TTLL7: variants seen among roughly 807,000 people sequenced by gnomAD.
The protein encoded by TTLL7 is tubulin tyrosine ligase like 7, also known as tubulin polyglutamylase TTLL7.
TTLL7 carries 53 observed loss-of-function variants against 120.2 expected under a neutral mutation model. The observed-to-expected ratio is 0.44, with a 90% CI of 0.35 to 0.55. The LOEUF is 0.55. Among genes scored for constraint, TTLL7 ranks in the 20% least tolerant of loss-of-function variants. The pLI, the probability that TTLL7 is intolerant of heterozygous loss-of-function variation, is 0.00. For missense variants in TTLL7, 803 were observed against 1,054.7 expected, an observed-to-expected ratio of 0.76 and a Z score of 3.31; for synonymous variants, 353 against 351.7, an observed-to-expected ratio of 1.00 and a Z score of -0.04.
chr1:83,889,807 A>G (rs903561584), intron 19 of TTLL7: 1 of 416,412 alleles, frequency 2.4e-6, no homozygotes, highest in Non-Finnish European at 4.8e-6. Context: ...CAAATGACTG[A>G]ATAAAGACAG....
chr1:83,993,537 C>G (rs911464420), intron 1 of TTLL7, among the ~76,000 whole-genome samples: 1 of 152,020 alleles, frequency 6.6e-6, no homozygotes, highest in Non-Finnish European at 1.5e-5. Flanking sequence ...AAAATAACAC[C>G]AAGTTAGAAA....
Position 83,951,912 on chromosome 1 carries a change from C to T in TTLL7, c.90G>A (p.Arg30=). 1 of 1,613,390 alleles carries T rather than the reference C, an allele frequency of 6.2e-7. No individual in the cohort carries two copies. The highest frequency in any genetic ancestry group is 1.1e-5 in the South Asian group (1 of 90,918). Residue 30 remains arginine (R), a synonymous_variant, in exon 3 of 21, where the codon AGG becomes AGA. Coordinates refer to ENST00000260505, the MANE Select transcript of TTLL7 (RefSeq NM_024686.6). The part of the protein sequence containing the change: ...TELPYQSTMK[R]KVRKKKKKGT... ...CCTTCTTTTTCTTCTTTCTGACTTT[C>T]CTTTTCATTGTGCTTTGATAAGGTA...
At chr1:83,872,804 ATCAACTCAT>A (rs1653557979) in intron 20 of TTLL7, among the ~76,000 whole-genome samples, 1 of 152,222 alleles carries the variant, frequency 6.6e-6, no homozygotes, top group Admixed American at 6.5e-5. Flanking sequence ...CTTTACAGAT[ATCAACTCAT>A]TTAGTTCTCA....
chr1:83,968,461 T>TG (rs1199582721), intron 1 of TTLL7, among the ~76,000 whole-genome samples: 10 of 152,210 alleles, frequency 6.6e-5, no homozygotes, highest in South Asian at 2.1e-4. Context: ...GAAGTATATT[T>TG]ACCTTCTGAT....
intron 4 of TTLL7, chr1:83,949,597 AT>A: frequency 2.8e-6 from 1 of 352,898 alleles, no homozygotes; most frequent in Non-Finnish European, 5.1e-6. Context: ...AAATGCTGGG[AT>A]TACAGGTGTC....
intron 19 of TTLL7, chr1:83,887,255 G>A: frequency 1.6e-6 from 2 of 1,240,960 alleles, no homozygotes; most frequent in Non-Finnish European, 2.1e-6. Context: ...CAAACACTTG[G>A]ATTATATTTT....
chr1:83,876,756 A>G (rs1653963942), intron 20 of TTLL7, among the ~76,000 whole-genome samples: 3 of 151,936 alleles, frequency 2.0e-5, no homozygotes, highest in Admixed American at 1.3e-4. Flanking sequence ...ATTTTCCTAT[A>G]TTGACTTTGA....
At chr1:83,928,044 A>G (rs1389247287) in intron 10 of TTLL7, among the ~76,000 whole-genome samples, 1 of 152,180 alleles carries the variant, frequency 6.6e-6, no homozygotes, top group Non-Finnish European at 1.5e-5. Flanking sequence ...TAAGTCTAGA[A>G]ATTTCTGACT....
intron 7 of TTLL7, among the ~76,000 whole-genome samples, chr1:83,941,158 T>A (rs1296633172): frequency 6.6e-6 from 1 of 152,174 alleles, no homozygotes; most frequent in East Asian, 1.9e-4. Flanking sequence ...TATACAACAC[T>A]CCCTCTCTAA....
intron 13 of TTLL7, among the ~76,000 whole-genome samples, chr1:83,918,291 C>T (rs556871335): frequency 6.6e-6 from 1 of 152,110 alleles, no homozygotes; most frequent in Non-Finnish European, 1.5e-5. Context: ...ACCTTTCCTG[C>T]GTTCTACTAG....
intron 10 of TTLL7, among the ~76,000 whole-genome samples, chr1:83,922,188 A>C (rs12139191): frequency 0.48 from 73,017 of 151,650 alleles, 18,538 homozygotes; most frequent in Non-Finnish European, 0.57. Flanking sequence ...GCCAATTCTG[A>C]CCCCACCTTT....
At position 83,869,950 on chromosome 1, in the gene TTLL7, T is replaced by C. The variant is rs761275687; in HGVS notation, c.*12A>G. 4.4e-6 allele frequency: 7 copies of C among 1,593,832 alleles called. No individual in the cohort carries two copies. The Admixed American group carries it at 1.1e-4, about 25-fold the overall frequency. ...CTGTTATGTATAACCAATGGCGATCTTCCCTTCTGTTTCACAGATGGCCAT... is the reference window on the plus strand; with the variant it reads ...CTGTTATGTATAACCAATGGCGATCCTCCCTTCTGTTTCACAGATGGCCAT... On this transcript the variant is annotated 3_prime_UTR_variant, in exon 21 of 21. Transcript: ENST00000260505.
chr1:83,993,985 C>T (rs1194165647), intron 1 of TTLL7, among the ~76,000 whole-genome samples: 3 of 152,208 alleles, frequency 2.0e-5, no homozygotes, highest in Non-Finnish European at 2.9e-5. Context: ...CTCACTTCAA[C>T]TTTGACAGAT....
intron 1 of TTLL7, among the ~76,000 whole-genome samples, chr1:83,988,719 T>C (rs1342483935): frequency 2.0e-5 from 3 of 152,072 alleles, no homozygotes; most frequent in Non-Finnish European, 4.4e-5. Context: ...TGGCCACCTT[T>C]TTTTTTTTAA....
chr1:83,944,649 C>T (rs1029455975), intron 6 of TTLL7, among the ~76,000 whole-genome samples: 11 of 152,058 alleles, frequency 7.2e-5, no homozygotes, highest in African/African-American at 2.2e-4. Flanking sequence ...CAGAGGTTGC[C>T]GTGAGCCAAG....
At chr1:83,876,311 AT>A (rs903936192) in intron 20 of TTLL7, among the ~76,000 whole-genome samples, 1 of 151,848 alleles carries the variant, frequency 6.6e-6, no homozygotes, top group African/African-American at 2.4e-5. Context: ...ATATTATACT[AT>A]CTTAAATTAC....
At position 83,907,595 on chromosome 1, in the gene TTLL7, G is replaced by C. The variant is rs772691676; in HGVS notation, c.1853C>G (p.Thr618Ser). ...ISAQSPSSGD[T>S]RPFSAQQMIS... ...CATTTGTTGAGCAGAAAATGGGCGG[G>C]TGTCCCCACTGGAAGGTGATTGAGC... The change falls in exon 16 of 21, where the codon ACC becomes AGC. Residue 618 changes from threonine (T) to serine (S), a missense_variant. This residue lies in a region of TTLL7 where 388 missense variants were observed against 450.4 expected (regional missense o/e 0.86). Transcript: ENST00000260505. 2.4e-5 allele frequency: 38 copies of C among 1,613,148 alleles called. No homozygotes were observed. Among genetic ancestry groups the C allele is most frequent in the Non-Finnish European group, 2.9e-5 (34 of 1,179,536 alleles).
intron 1 of TTLL7, among the ~76,000 whole-genome samples, chr1:83,989,287 A>T (rs1191978602): frequency 6.6e-6 from 1 of 152,106 alleles, no homozygotes; most frequent in Non-Finnish European, 1.5e-5. Context: ...AGGTTTTCTT[A>T]TAGGATTTTT....
intron 14 of TTLL7, among the ~76,000 whole-genome samples, chr1:83,914,149 A>G (rs116072547): frequency 0.042 from 6,332 of 152,176 alleles, 157 homozygotes; most frequent in Middle Eastern, 0.099. Context: ...TCTCCACCAG[A>G]TAAGTATCTT....
Sources: allele counts gnomAD v4.1 joint callset (sites outside exome capture counted in the v4.1 genomes callset), GRCh38; gene constraint gnomAD v4.1.1; regional missense constraint gnomAD v4.1.1; transcripts MANE v1.5; gene names NCBI Gene and HGNC (gene_info 2026-07-23, HGNC 2026-07-21).